Variants in MAML3 observed in about 807,000 individuals in gnomAD.
MAML3 encodes mastermind-like protein 3.
Under a neutral mutation model 101.9 loss-of-function variants are expected in MAML3, and 27 were observed. That is an observed-to-expected ratio of 0.27 (90% CI 0.20 to 0.37). The LOEUF is 0.37. Among genes scored for constraint, MAML3 ranks in the 10% least tolerant of loss-of-function variants. MAML3 has a pLI of 1.00. For missense variants in MAML3, 1,316 were observed against 1,444.9 expected (o/e 0.91, Z 1.45); for synonymous variants, 501 against 555.9 (o/e 0.90, Z 1.39).
At chr4:140,017,680 A>C (rs931966119) in intron 1 of MAML3, among the ~76,000 whole-genome samples, 6 of 141,922 alleles carry the variant, frequency 4.2e-5, no homozygotes, top group Non-Finnish European at 9.4e-5. Context: ...AAAAAGAAAA[A>C]ACCTATCCCA....
At chr4:139,928,305 A>G (rs896334383) in intron 1 of MAML3, among the ~76,000 whole-genome samples, 3 of 152,240 alleles carry the variant, frequency 2.0e-5, no homozygotes, top group African/African-American at 7.2e-5. Flanking sequence ...GAAAATATTA[A>G]TTTGGCATGT....
intron 1 of MAML3, among the ~76,000 whole-genome samples, chr4:139,992,952 C>T (rs773093141): frequency 1.1e-4 from 16 of 152,238 alleles, no homozygotes; most frequent in Non-Finnish European, 1.9e-4. Flanking sequence ...ATATTGAGCA[C>T]ATACTTCATG....
chr4:139,960,474 T>C (rs1733991986), intron 1 of MAML3, among the ~76,000 whole-genome samples: 3 of 152,172 alleles, frequency 2.0e-5, no homozygotes, highest in Admixed American at 6.5e-5. Context: ...TTGGTAAAGC[T>C]TCACAGAAAG....
rs1729098707 is a variant in MAML3 at position 140,148,298 on chromosome 4, TTAAC to T, written c.468+4558_468+4561del. 3.3e-5 allele frequency among the ~76,000 whole-genome samples: 5 copies of T among 152,358 alleles called. No homozygotes were observed. The South Asian group carries it at 1.0e-3, about 32-fold the overall frequency. Reference sequence around the variant, plus strand: ...GCATTTTGTAGATTATGATTAATGCTTAACTAACTCTGCTTCTACTTTTCTGACC... The same window carrying T: ...GCATTTTGTAGATTATGATTAATGCTTAACTCTGCTTCTACTTTTCTGACC... On this transcript the variant is annotated intron_variant, in intron 1 of 4. Coordinates refer to ENST00000509479, the MANE Select transcript of MAML3 (RefSeq NM_018717.5).
chr4:139,768,857 G>C (rs1729917985), intron 2 of MAML3, among the ~76,000 whole-genome samples: 1 of 152,174 alleles, frequency 6.6e-6, no homozygotes, highest in Non-Finnish European at 1.5e-5. Context: ...TTCCCCTCAG[G>C]TTAATTATAT....
At chr4:140,145,754 T>C (rs900228738) in intron 1 of MAML3, among the ~76,000 whole-genome samples, 6 of 151,950 alleles carry the variant, frequency 3.9e-5, no homozygotes, top group Admixed American at 2.6e-4. Flanking sequence ...TTCGTAGAGA[T>C]GGGGTTTCAC....
At chr4:139,922,534 T>G (rs1267352343) in intron 1 of MAML3, among the ~76,000 whole-genome samples, 1 of 152,150 alleles carries the variant, frequency 6.6e-6, no homozygotes, top group African/African-American at 2.4e-5. Context: ...ATCAGGGGAA[T>G]TAGACATACG....
Position 140,122,778 on chromosome 4 carries a change from C to T in MAML3, c.468+30082G>A, listed in dbSNP as rs554146768. 3.0e-5 allele frequency among the ~76,000 whole-genome samples: 3 copies of T among 99,474 alleles called. No homozygotes were observed. In the East Asian group the frequency reaches 8.2e-4, roughly 27 times the overall value. 65.3% of individuals were successfully genotyped at this position (99,474 alleles called of 152,430 possible). A position where few individuals can be genotyped will look rare whatever the true frequency, so the allele number is the denominator to read the frequency against. On this transcript the variant is annotated intron_variant, in intron 1 of 4. Transcript: ENST00000509479. Reference sequence around the variant, plus strand: ...CTGCACTCCAGCCTGGGCGACAGAGCGAGACTCCGTCTCAAAAAAAAAAAA... The same window carrying T: ...CTGCACTCCAGCCTGGGCGACAGAGTGAGACTCCGTCTCAAAAAAAAAAAA...
At chr4:139,853,257 C>T (rs999981104) in intron 2 of MAML3, among the ~76,000 whole-genome samples, 1 of 152,230 alleles carries the variant, frequency 6.6e-6, no homozygotes, top group Non-Finnish European at 1.5e-5. Context: ...AAAGTTGCTC[C>T]TTTCCTCAAG....
chr4:140,033,685 C>T (rs1726941762), intron 1 of MAML3, among the ~76,000 whole-genome samples: 1 of 152,184 alleles, frequency 6.6e-6, no homozygotes, highest in African/African-American at 2.4e-5. Context: ...TTGGATAAGT[C>T]ACCTAAGCTC....
intron 1 of MAML3, among the ~76,000 whole-genome samples, chr4:139,912,419 C>A (rs1388457651): frequency 6.6e-6 from 1 of 152,300 alleles, no homozygotes; most frequent in East Asian, 1.9e-4. Context: ...TACAGCTAGT[C>A]CGTTACAGGA....
chr4:140,121,118 A>C (rs1476066061), intron 1 of MAML3, among the ~76,000 whole-genome samples: 1 of 152,210 alleles, frequency 6.6e-6, no homozygotes, highest in Non-Finnish European at 1.5e-5. Context: ...GACGCATAAA[A>C]CTATGATGAA....
intron 1 of MAML3, among the ~76,000 whole-genome samples, chr4:140,097,988 T>G (rs892113185): frequency 6.6e-6 from 1 of 152,218 alleles, no homozygotes; most frequent in Non-Finnish European, 1.5e-5. Context: ...CTAAAAGCCT[T>G]CAAGTCCTCC....
chr4:140,022,300 A>G (rs1394763285), intron 1 of MAML3, among the ~76,000 whole-genome samples: 1 of 152,208 alleles, frequency 6.6e-6, no homozygotes, highest in Non-Finnish European at 1.5e-5. Context: ...TTATGGGAAC[A>G]TAAATTCTGA....
At chr4:139,822,153 T>C (rs1005246245) in intron 2 of MAML3, among the ~76,000 whole-genome samples, 1 of 151,982 alleles carries the variant, frequency 6.6e-6, no homozygotes, top group African/African-American at 2.4e-5. Flanking sequence ...ATCATCACCA[T>C]CATGATCATC....
At chr4:140,083,409 CA>C (rs538767327) in intron 1 of MAML3, among the ~76,000 whole-genome samples, 63 of 152,320 alleles carry the variant, frequency 4.1e-4, no homozygotes, top group African/African-American at 1.4e-3. Flanking sequence ...TTCCAATGCA[CA>C]GTCACCCTTC....
chr4:139,777,857 C>T (rs1003821842), intron 2 of MAML3, among the ~76,000 whole-genome samples: 1 of 152,266 alleles, frequency 6.6e-6, no homozygotes, highest in African/African-American at 2.4e-5. Context: ...ACCCTTCTCT[C>T]CCTGCTGCTC....
At chr4:139,844,856 C>T (rs1385214594) in intron 2 of MAML3, among the ~76,000 whole-genome samples, 1 of 152,218 alleles carries the variant, frequency 6.6e-6, no homozygotes, top group East Asian at 1.9e-4. Flanking sequence ...TGTCCAGATG[C>T]CAGAGAGCTG....
chr4:139,806,059 C>T (rs1336934557), intron 2 of MAML3, among the ~76,000 whole-genome samples: 1 of 152,020 alleles, frequency 6.6e-6, no homozygotes, highest in Non-Finnish European at 1.5e-5. Flanking sequence ...AAATGAACTC[C>T]AAAAACATTT....
Sources: allele counts gnomAD v4.1 joint callset (sites outside exome capture counted in the v4.1 genomes callset), GRCh38; gene constraint gnomAD v4.1.1; transcripts MANE v1.5; gene names NCBI Gene and HGNC (gene_info 2026-07-23, HGNC 2026-07-21).